TSPEAR: variants seen among roughly 807,000 people sequenced by gnomAD.
TSPEAR encodes thrombospondin-type laminin G domain and EAR repeat-containing protein.
Under a neutral mutation model 71.6 loss-of-function variants are expected in TSPEAR, and 69 were observed. That is an observed-to-expected ratio of 0.96 (90% CI 0.79 to 1.18). The LOEUF (loss-of-function observed/expected upper bound fraction) is 1.18, where lower values mean the gene tolerates loss of function less well. Ranked by LOEUF, TSPEAR falls within the 50% of genes most tolerant of loss-of-function variation. TSPEAR has a pLI of 0.00. For missense variants in TSPEAR, 971 were observed against 894.9 expected (o/e 1.09, Z -1.09); for synonymous variants, 402 against 387.2 (o/e 1.04, Z -0.45).
intron 1 of TSPEAR, among the ~76,000 whole-genome samples, chr21:44,696,329 G>T (rs1374201876): frequency 6.6e-6 from 1 of 152,230 alleles, no homozygotes; most frequent in African/African-American, 2.4e-5. Context: ...CTCTGAGGCA[G>T]CAGAGGTTAA....
Position 44,520,398 on chromosome 21 carries a change from C to T in TSPEAR, c.1566+1485G>A, listed in dbSNP as rs587739355. On this transcript the variant is annotated intron_variant, in intron 9 of 11. Transcript: ENST00000323084. The surrounding 1 kb of genome is among the most constrained non-coding windows in gnomAD (Gnocchi z 4.2). The stretch of plus-strand genomic sequence containing the variant: ...GGTGCTCCCTGACATCTGCTCTCCT[C>T]GTGCCCTGAACATCCACGTAAAGCT... 3.3e-5 allele frequency: 5 copies of T among 152,234 alleles called. No homozygotes were observed. The highest frequency in any genetic ancestry group is 4.1e-4 in the South Asian group (2 of 4,822). 9.4% of individuals were successfully genotyped at this position (152,234 alleles called of 1,614,324 possible).
At chr21:44,561,132 TA>T (rs2053627039) in intron 2 of TSPEAR, among the ~76,000 whole-genome samples, 1 of 151,914 alleles carries the variant, frequency 6.6e-6, no homozygotes, top group South Asian at 2.1e-4. Context: ...ATAGATGCAA[TA>T]AAAAATGATA....
intron 7 of TSPEAR, 74 bp downstream of exon 7, chr21:44,527,218 T>C (rs2052874510): frequency 1.4e-6 from 2 of 1,471,062 alleles, no homozygotes; most frequent in Non-Finnish European, 1.9e-6. Flanking sequence ...AGAATCAGTG[T>C]AGGGGGCCCC....
At chr21:44,549,830 G>A (rs1331729848) in intron 2 of TSPEAR, among the ~76,000 whole-genome samples, 1 of 152,244 alleles carries the variant, frequency 6.6e-6, no homozygotes, top group Non-Finnish European at 1.5e-5. Flanking sequence ...CCAGCACACG[G>A]AGCTCTGGAG....
At chr21:44,519,102 C>T (rs1218905631) in intron 9 of TSPEAR, 2 of 155,342 alleles carry the variant, frequency 1.3e-5, no homozygotes, top group Non-Finnish European at 2.9e-5. Flanking sequence ...GATCTCGGCT[C>T]ACTGCAAGCT....
chr21:44,502,608 C>T (rs782103931), intron 11 of TSPEAR, among the ~76,000 whole-genome samples: 2 of 152,256 alleles, frequency 1.3e-5, no homozygotes, highest in South Asian at 2.1e-4. Flanking sequence ...GTCCACACGC[C>T]GCATCCCTGA....
intron 1 of TSPEAR, chr21:44,675,766 G>T: frequency 1.9e-6 from 1 of 524,226 alleles, no homozygotes. Context: ...TTGTAAGCCT[G>T]CTCATGTCTA....
intron 2 of TSPEAR, among the ~76,000 whole-genome samples, chr21:44,540,524 G>C (rs1555917111): frequency 2.6e-5 from 4 of 152,182 alleles, no homozygotes; most frequent in African/African-American, 9.7e-5. Context: ...TGGCCCTTCA[G>C]CCTTATGCAA....
chr21:44,638,617 G>A (rs1367354029), intron 1 of TSPEAR, among the ~76,000 whole-genome samples: 1 of 151,192 alleles, frequency 6.6e-6, no homozygotes, highest in African/African-American at 2.4e-5. Context: ...GGCATGGGAT[G>A]AGGCAGGAAG....
intron 2 of TSPEAR, among the ~76,000 whole-genome samples, chr21:44,549,729 C>T (rs989612766): frequency 1.3e-5 from 2 of 152,258 alleles, no homozygotes; most frequent in Admixed American, 6.5e-5. Context: ...GTGTTTCTCT[C>T]GCCCTCTGGT....
At chr21:44,600,886 T>C in intron 1 of TSPEAR, 1 of 1,611,730 alleles carries the variant, frequency 6.2e-7, no homozygotes, top group Non-Finnish European at 8.5e-7. Context: ...CACGCCCTCG[T>C]GCTGCCAGCA....
intron 1 of TSPEAR, among the ~76,000 whole-genome samples, chr21:44,699,145 TGAG>T (rs1987529865): frequency 6.6e-6 from 1 of 152,094 alleles, no homozygotes; most frequent in East Asian, 1.9e-4. Context: ...TGCAGTGAGC[TGAG>T]ATTGTACCAC....
chr21:44,533,215 C>T (rs968698288), intron 3 of TSPEAR, among the ~76,000 whole-genome samples: 14 of 152,236 alleles, frequency 9.2e-5, no homozygotes, highest in African/African-American at 3.4e-4. Flanking sequence ...GGGAGAGGCC[C>T]ATTCCCCTTC....
chr21:44,507,460 A>G (rs879992324), intron 10 of TSPEAR, among the ~76,000 whole-genome samples: 2 of 152,160 alleles, frequency 1.3e-5, no homozygotes, highest in Non-Finnish European at 2.9e-5. Flanking sequence ...CATGCTGGGT[A>G]GAAGGGCTAG....
intron 11 of TSPEAR, among the ~76,000 whole-genome samples, chr21:44,501,903 T>C (rs902444385): frequency 6.6e-6 from 1 of 152,224 alleles, no homozygotes; most frequent in Admixed American, 6.5e-5. Context: ...CAGGTGCAGT[T>C]AGAAAGCCCT....
chr21:44,533,466 A>AC (rs1555915943), intron 3 of TSPEAR, among the ~76,000 whole-genome samples: 1 of 76,982 alleles, frequency 1.3e-5, no homozygotes, highest in East Asian at 2.9e-4. Flanking sequence ...CTGCCTCTCC[A>AC]CCCCATGGCT....
intron 1 of TSPEAR, among the ~76,000 whole-genome samples, chr21:44,608,333 A>T (rs1981441264): frequency 6.6e-6 from 1 of 152,164 alleles, no homozygotes; most frequent in African/African-American, 2.4e-5. Context: ...GAGAGCTGAC[A>T]TGCACCCCTC....
chr21:44,604,647 G>A (rs1569215314), intron 1 of TSPEAR, among the ~76,000 whole-genome samples: 1 of 152,224 alleles, frequency 6.6e-6, no homozygotes. Context: ...GACAAGAGTG[G>A]GCATCCTTGC....
chr21:44,673,905 C>CAAA (rs57778899), intron 1 of TSPEAR, among the ~76,000 whole-genome samples: 28 of 149,768 alleles, frequency 1.9e-4, no homozygotes, highest in Non-Finnish European at 3.6e-4. Flanking sequence ...AAAAATTTCT[C>CAAA]AAAAAAAAAT....
Sources: allele counts gnomAD v4.1 joint callset (sites outside exome capture counted in the v4.1 genomes callset), GRCh38; gene constraint gnomAD v4.1.1; non-coding constraint Gnocchi (gnomAD v3.1); transcripts MANE v1.5; gene names NCBI Gene and HGNC (gene_info 2026-07-23, HGNC 2026-07-21).